Variants in VCL observed in about 807,000 individuals in gnomAD.
VCL encodes epididymis luminal protein 114.
A neutral mutation model predicts 125.7 loss-of-function variants in VCL; 47 were observed. The ratio of observed to expected loss-of-function variants is 0.37; its 90% CI spans 0.30 to 0.48. The LOEUF (loss-of-function observed/expected upper bound fraction) is 0.48. Among genes scored for constraint, VCL ranks in the 20% least tolerant of loss-of-function variants. The pLI is 0.99. For missense variants in VCL, 1,069 were observed against 1,455.5 expected (o/e 0.73, Z 4.32); for synonymous variants, 458 against 514.6 (o/e 0.89, Z 1.49).
chr10:74,002,976 C>G (rs1840256057), intron 1 of VCL, among the ~76,000 whole-genome samples: 1 of 150,266 alleles, frequency 6.7e-6, no homozygotes. Flanking sequence ...GCAAAGTAGT[C>G]TGGTCACTGA....
chr10:74,019,554 CA>C (rs2136232573), intron 1 of VCL, among the ~76,000 whole-genome samples: 1 of 152,122 alleles, frequency 6.6e-6, no homozygotes, highest in Non-Finnish European at 1.5e-5. Context: ...GTTGGAGAGC[CA>C]TCCATTCAAG....
chr10:74,109,199 G>A (rs144773940), intron 18 of VCL, 43 bp downstream of exon 18: 21 of 1,611,070 alleles, frequency 1.3e-5, no homozygotes, highest in African/African-American at 8.0e-5. Context: ...ATGTCTTCTC[G>A]GAAAGGATGA....
At chr10:74,082,581 G>A (rs1236928013) in intron 7 of VCL, 37 bp downstream of exon 7, 4 of 1,605,342 alleles carry the variant, frequency 2.5e-6, no homozygotes, top group Middle Eastern at 1.6e-4. Flanking sequence ...TCAATACAAC[G>A]AGAAGCTAAA....
At position 73,998,146 on chromosome 10, in the gene VCL, TC is replaced by T; in HGVS notation, c.-59del. 6.3e-7 allele frequency: 1 copy of T among 1,582,982 alleles called. No homozygotes were observed. The highest frequency in any genetic ancestry group is 8.6e-7 in the Non-Finnish European group (1 of 1,165,004). ...CTGCACAGTCTGTCTCTTCGCCGGTTCCCGGCCCCGTGGATCCTACTTCTCT... is the reference window on the plus strand; with the variant it reads ...CTGCACAGTCTGTCTCTTCGCCGGTTCCGGCCCCGTGGATCCTACTTCTCT... On this transcript the variant is annotated 5_prime_UTR_variant, in exon 1 of 22. Transcript: ENST00000211998.
intron 2 of VCL, among the ~76,000 whole-genome samples, chr10:74,046,890 A>G (rs899048550): frequency 5.3e-5 from 8 of 152,240 alleles, no homozygotes; most frequent in African/African-American, 1.9e-4. Flanking sequence ...ACTTAGAAAA[A>G]TTAAAAATGA....
Position 74,119,888 on chromosome 10 carries a change from A to G in VCL, c.*1719A>G, listed in dbSNP as rs937984852. ...TTGTTTTACTAAAGAAAGATTACTTAGAGGAAATAAGAAAAATCATGTTTG... is the reference window on the plus strand; with the variant it reads ...TTGTTTTACTAAAGAAAGATTACTTGGAGGAAATAAGAAAAATCATGTTTG... On this transcript the variant is annotated 3_prime_UTR_variant, in exon 22 of 22. Transcript: ENST00000211998. The G allele has an allele frequency of 6.6e-6, 1 of 152,558 alleles. No homozygotes were observed. The allele number at this position is 152,558 out of a possible 1,614,324, so 9.5% of individuals were successfully genotyped here. A position where few individuals can be genotyped will look rare whatever the true frequency, so the allele number is the denominator to read the frequency against.
At chr10:74,105,381 C>T in intron 16 of VCL, 28 bp downstream of exon 16, 1 of 1,611,736 alleles carries the variant, frequency 6.2e-7, no homozygotes, top group Non-Finnish European at 8.5e-7. Flanking sequence ...CTATGTCTCA[C>T]CTCCACTGAG....
intron 1 of VCL, among the ~76,000 whole-genome samples, chr10:74,004,337 G>A (rs1178114757): frequency 6.6e-6 from 1 of 152,124 alleles, no homozygotes; most frequent in Admixed American, 6.5e-5. Flanking sequence ...GTATAGTGGT[G>A]GTCTCCGTTT....
chr10:74,073,781 G>T (rs1839530691), intron 5 of VCL, among the ~76,000 whole-genome samples: 1 of 152,158 alleles, frequency 6.6e-6, no homozygotes, highest in African/African-American at 2.4e-5. Context: ...GACAGCTCAT[G>T]GTTTATATGA....
chr10:74,102,754 AT>A (rs1370742638), intron 14 of VCL, among the ~76,000 whole-genome samples: 3 of 152,250 alleles, frequency 2.0e-5, no homozygotes, highest in African/African-American at 7.2e-5. Flanking sequence ...ATAAAATACA[AT>A]TTCAATATGA....
At chr10:74,037,012 G>A (rs1316766747) in intron 1 of VCL, among the ~76,000 whole-genome samples, 3 of 151,728 alleles carry the variant, frequency 2.0e-5, no homozygotes, top group African/African-American at 4.8e-5. Context: ...CCGGGTTCGC[G>A]CCATTCTCCT....
chr10:74,118,894 G>A lies in VCL; in HGVS notation c.*725G>A, dbSNP rs1388562264. The A allele has an allele frequency of 6.5e-6, 1 of 153,748 alleles. No homozygotes were observed. The highest frequency in any genetic ancestry group is 1.5e-5 in the Non-Finnish European group (1 of 68,962). 9.5% of individuals were successfully genotyped at this position (153,748 alleles called of 1,614,324 possible). On this transcript the variant is annotated 3_prime_UTR_variant, in exon 22 of 22. Transcript: ENST00000211998. ...TGCCCCTGAGCAATGTCTGTGCTAG[G>A]GAAACTTCCCGTCCCATATCCTGCC...
intron 5 of VCL, 28 bp downstream of exon 5, chr10:74,072,880 A>AG: frequency 6.2e-7 from 1 of 1,612,648 alleles, no homozygotes; most frequent in Non-Finnish European, 8.5e-7. Context: ...TTTATTTTAT[A>AG]GGGGGGAAAA....
chr10:74,048,398 G>A (rs1841232798), intron 2 of VCL, among the ~76,000 whole-genome samples: 1 of 151,582 alleles, frequency 6.6e-6, no homozygotes, highest in African/African-American at 2.4e-5. Context: ...AACCCAGGTG[G>A]TGGAGGTTGC....
intron 2 of VCL, 54 bp from the exon 3 acceptor site, chr10:74,070,616 T>C: frequency 1.9e-6 from 3 of 1,610,948 alleles, no homozygotes; most frequent in Non-Finnish European, 2.5e-6. Flanking sequence ...TATTTGCATA[T>C]GGTATTCTTC....
intron 1 of VCL, among the ~76,000 whole-genome samples, chr10:73,998,599 T>C (rs1247466031): frequency 6.6e-6 from 1 of 152,206 alleles, no homozygotes; most frequent in Non-Finnish European, 1.5e-5. Flanking sequence ...GGAGCAGTCA[T>C]GAAAAAGGCT....
chr10:74,095,572 C>G, intron 11 of VCL, 84 bp from the exon 12 acceptor site: 1 of 1,572,058 alleles, frequency 6.4e-7, no homozygotes, highest in Non-Finnish European at 8.7e-7. Flanking sequence ...GGTGATAGAG[C>G]AAGACGCCAC....
intron 5 of VCL, among the ~76,000 whole-genome samples, chr10:74,073,836 G>A (rs74146317): frequency 0.063 from 9,583 of 152,170 alleles, 1,042 homozygotes; most frequent in African/African-American, 0.22. Context: ...TTCTCAGAAG[G>A]CAACTTTATT....
At chr10:74,025,745 G>A (rs1452458587) in intron 1 of VCL, among the ~76,000 whole-genome samples, 1 of 151,834 alleles carries the variant, frequency 6.6e-6, no homozygotes, top group Non-Finnish European at 1.5e-5. Context: ...GGATTAGAGT[G>A]TAGGTGTGCT....
Sources: gnomAD v4.1 joint callset for allele counts (sites outside exome capture counted in the v4.1 genomes callset) on GRCh38, gnomAD v4.1.1 for gene constraint, MANE v1.5 for transcripts, NCBI Gene and HGNC (gene_info 2026-07-23, HGNC 2026-07-21) for gene names.